The following DCLRE1C variants were observed in gnomAD, a reference collection of about 807,000 sequenced individuals.
The protein encoded by DCLRE1C is DNA cross-link repair 1C.
Under a neutral mutation model 61.4 loss-of-function variants are expected in DCLRE1C, and 47 were observed. The observed-to-expected ratio is 0.77, with a 90% CI of 0.61 to 0.98. The LOEUF is 0.98. DCLRE1C is among the 50% of genes least tolerant of loss of function. DCLRE1C has a pLI of 0.00. For synonymous variants in DCLRE1C, 337 were observed against 287.6 expected, an observed-to-expected ratio of 1.17 and a Z score of -1.74; for missense variants, 858 against 816.0, an observed-to-expected ratio of 1.05 and a Z score of -0.63.
At position 14,919,795 on chromosome 10, in the gene DCLRE1C, G is replaced by A; in HGVS notation, c.1099C>T (p.Pro367Ser). Residue 367 changes from proline to serine, a missense_variant, in exon 13 of 14, where the codon CCA becomes TCA. This residue lies in a region of DCLRE1C where 843 missense variants were observed against 783.5 expected (regional missense o/e 1.08). Transcript: ENST00000378278. ...AGTTTTCCCAGTGGTTTATACTTTG[G>A]CTCCGTACTTTGGGAAGACCGGCAT... ...PLCRSSQSTE[P>S]KYKPLGKLKR... 1 of 1,613,898 alleles carries A rather than the reference G, an allele frequency of 6.2e-7. No homozygotes were observed. The highest frequency in any genetic ancestry group is 8.5e-7 in the Non-Finnish European group (1 of 1,179,944).
chr10:14,931,858 G>A (rs1198769109), intron 9 of DCLRE1C, among the ~76,000 whole-genome samples: 2 of 152,014 alleles, frequency 1.3e-5, no homozygotes, highest in South Asian at 2.1e-4. Context: ...GGCCAACATG[G>A]CGAAACCCCA....
intron 3 of DCLRE1C, among the ~76,000 whole-genome samples, chr10:14,944,730 A>C (rs1841412312): frequency 7.4e-6 from 1 of 135,614 alleles, no homozygotes; most frequent in South Asian, 2.3e-4. Flanking sequence ...GCTGGAGTGC[A>C]GTGGCGTGAT....
At position 14,949,020 on chromosome 10, in the gene DCLRE1C, T is replaced by G. The variant is rs2131168836; in HGVS notation, c.161+16A>C. The G allele has an allele frequency of 2.5e-6, 4 of 1,587,676 alleles. No homozygotes were observed. The highest frequency in any genetic ancestry group is 1.3e-5 in the African/African-American group (1 of 74,486). On this transcript the variant is annotated intron_variant, in intron 2 of 13. Transcript: ENST00000378278. The stretch of plus-strand genomic sequence containing the variant: ...TAAAATGTTTGCTTAAAAACACAAG[T>G]AGCAAAATAAATTACCTGCACTCCA...
chr10:14,933,842 C>T (rs1839425976), intron 8 of DCLRE1C, among the ~76,000 whole-genome samples: 1 of 152,120 alleles, frequency 6.6e-6, no homozygotes, highest in Non-Finnish European at 1.5e-5. Flanking sequence ...TCTTGTAAGC[C>T]ATTTTGGCTT....
At chr10:14,950,676 C>T (rs1487559930) in intron 1 of DCLRE1C, among the ~76,000 whole-genome samples, 1 of 152,180 alleles carries the variant, frequency 6.6e-6, no homozygotes, top group Non-Finnish European at 1.5e-5. Flanking sequence ...GAGTTTGCGC[C>T]ATGGCAAAGA....
chr10:14,951,352 T>A (rs975687921), intron 1 of DCLRE1C, among the ~76,000 whole-genome samples: 3 of 120,226 alleles, frequency 2.5e-5, no homozygotes, highest in Non-Finnish European at 4.8e-5. Context: ...ATCGCACCAC[T>A]GCACTCCAGC....
chr10:14,926,732 G>T, intron 11 of DCLRE1C, 111 bp downstream of exon 11: 33 of 763,148 alleles, frequency 4.3e-5, no homozygotes, highest in East Asian at 1.2e-4. Flanking sequence ...AAAAGGAAAT[G>T]AAACTTACAT....
chr10:14,917,497 A>C (rs1364179038), intron 13 of DCLRE1C, among the ~76,000 whole-genome samples: 4 of 151,996 alleles, frequency 2.6e-5, no homozygotes, highest in Non-Finnish European at 5.9e-5. Flanking sequence ...AAAAAAAAAA[A>C]ACAAAAAAAA....
chr10:14,901,927 CTACTT>C (rs1834052329), downstream of DCLRE1C, among the ~76,000 whole-genome samples: 1 of 152,032 alleles, frequency 6.6e-6, no homozygotes, highest in African/African-American at 2.4e-5. Context: ...TATTCTATTC[CTACTT>C]GAACCTGGCT....
At chr10:14,921,407 T>G (rs1837096193) in intron 12 of DCLRE1C, among the ~76,000 whole-genome samples, 1 of 152,208 alleles carries the variant, frequency 6.6e-6, no homozygotes, top group African/African-American at 2.4e-5. Flanking sequence ...ACAGGCATAT[T>G]TAAGTCTCAG....
intron 5 of DCLRE1C, among the ~76,000 whole-genome samples, chr10:14,936,333 T>A (rs1839909629): frequency 6.7e-6 from 1 of 149,658 alleles, no homozygotes; most frequent in Non-Finnish European, 1.5e-5. Context: ...TTTCTTTTTT[T>A]TTTTTTTTTT....
intron 13 of DCLRE1C, among the ~76,000 whole-genome samples, chr10:14,919,406 T>A (rs1408573686): frequency 6.6e-6 from 1 of 151,796 alleles, no homozygotes; most frequent in Non-Finnish European, 1.5e-5. Flanking sequence ...CAAACCAGCC[T>A]CTCTATGTCC....
At chr10:14,914,271 AC>A (rs1835792573) in intron 13 of DCLRE1C, among the ~76,000 whole-genome samples, 1 of 152,242 alleles carries the variant, frequency 6.6e-6, no homozygotes, top group African/African-American at 2.4e-5. Context: ...TAAGAATGTT[AC>A]CAGGGGATAG....
At chr10:14,910,279 C>T (rs142963384) in intron 13 of DCLRE1C, among the ~76,000 whole-genome samples, 26 of 152,298 alleles carry the variant, frequency 1.7e-4, no homozygotes, top group African/African-American at 6.3e-4. Context: ...GAACTTAGGG[C>T]TTAAGGTCAC....
chr10:14,902,066 C>T (rs1038485174), downstream of DCLRE1C, among the ~76,000 whole-genome samples: 11 of 152,064 alleles, frequency 7.2e-5, no homozygotes, highest in African/African-American at 9.7e-5. Context: ...CTTTTATATA[C>T]GGTGTGAAAT....
chr10:14,922,674 A>G (rs970709866), intron 12 of DCLRE1C, among the ~76,000 whole-genome samples: 1 of 152,080 alleles, frequency 6.6e-6, no homozygotes, highest in African/African-American at 2.4e-5. Flanking sequence ...GTAGGCATCA[A>G]TATTCCTATT....
At chr10:14,901,723 C>T (rs1442017484), downstream of DCLRE1C, among the ~76,000 whole-genome samples, 6 of 151,490 alleles carry the variant, frequency 4.0e-5, no homozygotes, top group African/African-American at 9.7e-5. Flanking sequence ...CCCAGCTACT[C>T]GGGAGGCTGA....
At chr10:14,935,364 G>A (rs1157654598) in intron 6 of DCLRE1C, 99 bp downstream of exon 6, 1 of 1,325,516 alleles carries the variant, frequency 7.5e-7, no homozygotes, top group African/African-American at 1.5e-5. Context: ...TACTTGGGAG[G>A]CTGAGGCAGG....
chr10:14,952,201 C>A (rs775488592), intron 1 of DCLRE1C, among the ~76,000 whole-genome samples: 1 of 152,168 alleles, frequency 6.6e-6, no homozygotes, highest in Admixed American at 6.5e-5. Context: ...TCCTGGCTAG[C>A]CCATTTTGAG....
Sources: allele counts gnomAD v4.1 joint callset (sites outside exome capture counted in the v4.1 genomes callset), GRCh38; gene constraint gnomAD v4.1.1; regional missense constraint gnomAD v4.1.1; transcripts MANE v1.5; gene names NCBI Gene and HGNC (gene_info 2026-07-23, HGNC 2026-07-21).